The following SYT14 variants were observed in gnomAD, a reference collection of about 807,000 sequenced individuals.
SYT14 encodes synaptotagmin 14.
In SYT14, 32 loss-of-function variants were observed where a neutral mutation model predicts 74.2. The ratio of observed to expected loss-of-function variants is 0.43; its 90% CI spans 0.33 to 0.58. The LOEUF (loss-of-function observed/expected upper bound fraction) is 0.58. Ranked by LOEUF, SYT14 falls within the 20% of genes least tolerant of loss-of-function variation. The probability of loss-of-function intolerance (pLI) is 0.05; values close to 1 mark genes in which losing one functional copy is unlikely to be tolerated. For synonymous variants in SYT14, 298 were observed against 337.7 expected, an observed-to-expected ratio of 0.88 and a Z score of 1.29; for missense variants, 791 against 981.8, an observed-to-expected ratio of 0.81 and a Z score of 2.60.
chr1:210,168,873 C>T (rs1411796839), exon 10 of SYT14: 1 of 152,034 alleles, frequency 6.6e-6, no homozygotes, highest in African/African-American at 2.4e-5. Flanking sequence ...TCCATAAGCA[C>T]CAATAGGAGA....
chr1:210,064,542 G>A (rs139937456), intron 5 of SYT14, among the ~76,000 whole-genome samples: 1 of 152,018 alleles, frequency 6.6e-6, no homozygotes, highest in East Asian at 1.9e-4. Context: ...TCTGTGTTTG[G>A]TTTATTTCAT....
intron 2 of SYT14, among the ~76,000 whole-genome samples, chr1:210,008,612 C>T (rs190808672): frequency 4.3e-4 from 65 of 152,296 alleles, no homozygotes; most frequent in African/African-American, 1.4e-3. Flanking sequence ...ACCCACCTGC[C>T]TCAGCCTCCC....
chr1:210,075,127 CCCAGCCAAACTTGGCCTCGT>C (rs1194860309), intron 5 of SYT14, among the ~76,000 whole-genome samples: 6 of 152,188 alleles, frequency 3.9e-5, no homozygotes, highest in Non-Finnish European at 7.3e-5. Context: ...CTCTGACTAC[CCCAGCCAAACTTGGCCTCGT>C]CCAGCCAAAC....
intron 2 of SYT14, among the ~76,000 whole-genome samples, chr1:209,970,984 A>G (rs1039624335): frequency 6.6e-6 from 1 of 151,888 alleles, no homozygotes; most frequent in African/African-American, 2.4e-5. Flanking sequence ...CCAGGGCAGT[A>G]TGGCCATTTT....
At chr1:209,989,339 G>A (rs542285748) in intron 2 of SYT14, among the ~76,000 whole-genome samples, 2 of 152,198 alleles carry the variant, frequency 1.3e-5, no homozygotes, top group South Asian at 2.1e-4. Context: ...AACAAGATAT[G>A]GTGAAATTTA....
At chr1:210,003,786 AC>A (rs2079942844) in intron 2 of SYT14, among the ~76,000 whole-genome samples, 1 of 152,276 alleles carries the variant, frequency 6.6e-6, no homozygotes, top group Non-Finnish European at 1.5e-5. Flanking sequence ...GGATTAGGAA[AC>A]CAGTTTCCCT....
At chr1:210,095,033 C>G (rs1335800230) in intron 6 of SYT14, among the ~76,000 whole-genome samples, 2 of 152,010 alleles carry the variant, frequency 1.3e-5, no homozygotes, top group Non-Finnish European at 2.9e-5. Flanking sequence ...AAATGATGAT[C>G]AGCTTTACTA....
chr1:210,088,614 A>G (rs2081791847), intron 5 of SYT14, among the ~76,000 whole-genome samples: 2 of 152,112 alleles, frequency 1.3e-5, no homozygotes, highest in South Asian at 4.1e-4. Context: ...GACTGGATAA[A>G]GAAAATGTGG....
exon 7 of SYT14, chr1:210,100,236 A>C: frequency 1.2e-6 from 2 of 1,614,110 alleles, no homozygotes; most frequent in Non-Finnish European, 1.7e-6. Context: ...AGAGAGCAAA[A>C]ACCAGCATCC....
chr1:209,983,821 T>C (rs2102810419), intron 2 of SYT14, among the ~76,000 whole-genome samples: 1 of 152,360 alleles, frequency 6.6e-6, no homozygotes, highest in Non-Finnish European at 1.5e-5. Flanking sequence ...GAACACTCTA[T>C]TGTGGTAAGT....
intron 5 of SYT14, among the ~76,000 whole-genome samples, chr1:210,085,237 G>A (rs997008914): frequency 2.6e-5 from 4 of 152,148 alleles, no homozygotes; most frequent in African/African-American, 9.7e-5. Context: ...TGATCACATT[G>A]CCAGTGAATT....
Position 210,094,648 on chromosome 1 carries a change from C to A in SYT14, c.1584+55C>A, listed in dbSNP as rs923476711. On this transcript the variant is annotated intron_variant, in intron 6 of 9. Transcript: ENST00000637265. Reference sequence around the variant, plus strand: ...TGAATGTTATTTGGAGGATAATAATCCTGTGCTTCTCCTCTTGGTAAGAAG... The same window carrying A: ...TGAATGTTATTTGGAGGATAATAATACTGTGCTTCTCCTCTTGGTAAGAAG... 5 of 1,571,076 alleles carry A rather than the reference C, an allele frequency of 3.2e-6. No individual in the cohort carries two copies. In the South Asian group the frequency reaches 3.3e-5, roughly 10 times the overall value.
chr1:210,166,915 G>A (rs2083461870), exon 10 of SYT14: 1 of 151,936 alleles, frequency 6.6e-6, no homozygotes, highest in Admixed American at 6.6e-5. Context: ...TCTTTTTCTT[G>A]TGCTTCCTTA....
intron 5 of SYT14, among the ~76,000 whole-genome samples, chr1:210,056,240 A>G (rs1309612690): frequency 1.3e-5 from 2 of 152,108 alleles, no homozygotes; most frequent in African/African-American, 4.8e-5. Context: ...GCTTTCAGTG[A>G]AACTGTGGGT....
intron 7 of SYT14, among the ~76,000 whole-genome samples, chr1:210,137,915 G>A (rs141312128): frequency 0.012 from 1,799 of 152,122 alleles, 47 homozygotes; most frequent in African/African-American, 0.042. Flanking sequence ...TCCTGACTTC[G>A]TGATCCACCC....
chr1:210,074,599 C>T (rs182025104), intron 5 of SYT14, among the ~76,000 whole-genome samples: 102 of 152,296 alleles, frequency 6.7e-4, no homozygotes, highest in Non-Finnish European at 2.2e-4. Flanking sequence ...ACTACAGTCC[C>T]AATTCTGTAA....
At chr1:209,975,083 A>G (rs2079334017) in intron 2 of SYT14, among the ~76,000 whole-genome samples, 1 of 152,198 alleles carries the variant, frequency 6.6e-6, no homozygotes, top group South Asian at 2.1e-4. Flanking sequence ...ACTTTGCTGA[A>G]GTTGCCTATC....
exon 10 of SYT14, chr1:210,164,103 A>T (rs1282859385): frequency 2.2e-6 from 1 of 451,134 alleles, no homozygotes. Flanking sequence ...ATGTATGTCA[A>T]ATCAGTAAAG....
At chr1:209,963,666 T>C (rs1262905234) in intron 2 of SYT14, among the ~76,000 whole-genome samples, 1 of 152,192 alleles carries the variant, frequency 6.6e-6, no homozygotes, top group Non-Finnish European at 1.5e-5. Context: ...ACTCATCTTT[T>C]CTACATTTCA....
Sources: allele counts gnomAD v4.1 joint callset (sites outside exome capture counted in the v4.1 genomes callset), GRCh38; gene constraint gnomAD v4.1.1; transcripts MANE v1.5; gene names NCBI Gene and HGNC (gene_info 2026-07-23, HGNC 2026-07-21).